Variants in DNM3 observed in about 807,000 individuals in gnomAD.
DNM3 encodes dynamin-3.
DNM3 carries 47 observed loss-of-function variants against 101.6 expected under a neutral mutation model. The observed-to-expected ratio is 0.46, with a 90% CI of 0.37 to 0.59. The LOEUF is 0.59. Ranked by LOEUF, DNM3 falls within the 20% of genes least tolerant of loss-of-function variation. The probability of loss-of-function intolerance (pLI) is 0.00; values close to 1 mark genes in which losing one functional copy is unlikely to be tolerated. For synonymous variants in DNM3, 385 were observed against 387.9 expected (o/e 0.99, Z 0.09); for missense variants, 849 against 1,085.7 (o/e 0.78, Z 3.06).
intron 1 of DNM3, among the ~76,000 whole-genome samples, chr1:171,858,757 G>A (rs557975219): frequency 2.0e-5 from 3 of 152,166 alleles, no homozygotes; most frequent in African/African-American, 7.2e-5. Context: ...TGAGGATAAC[G>A]AATGCAGTGT....
At chr1:171,916,788 C>A (rs2039748526) in intron 1 of DNM3, among the ~76,000 whole-genome samples, 3 of 152,120 alleles carry the variant, frequency 2.0e-5, no homozygotes, top group Non-Finnish European at 4.4e-5. Context: ...CACAAACTAC[C>A]AGTAAAGACC....
chr1:172,248,429 T>C (rs1231346996), intron 14 of DNM3, among the ~76,000 whole-genome samples: 1 of 152,134 alleles, frequency 6.6e-6, no homozygotes, highest in Non-Finnish European at 1.5e-5. Flanking sequence ...GATGACATAA[T>C]CTTTACCCTC....
intron 2 of DNM3, 103 bp downstream of exon 2, chr1:171,921,924 C>T (rs2040204221): frequency 1.0e-6 from 1 of 953,596 alleles, no homozygotes; most frequent in African/African-American, 1.6e-5. Flanking sequence ...TGTGATCGCC[C>T]CACTGTGGGC....
rs924676733 is a variant in DNM3 at position 172,405,478 on chromosome 1, C to G, written c.2523-2294C>G. On this transcript the variant is annotated intron_variant, in intron 20 of 20. Coordinates refer to ENST00000627582, the MANE Select transcript of DNM3 (RefSeq NM_015569.5). ...ACAGTTAAGCCAAGAACAAAAGGAT[C>G]AAGAGAAGTCAGTTTCATTCCTTTC... is the stretch of plus-strand genomic sequence containing the variant. Among the ~76,000 whole-genome samples, 5 of 151,994 alleles carry G rather than the reference C, an allele frequency of 3.3e-5. No individual in the cohort carries two copies. In the South Asian group the frequency reaches 1.0e-3, roughly 32 times the overall value.
intron 20 of DNM3, among the ~76,000 whole-genome samples, chr1:172,395,273 C>T (rs1311465018): frequency 1.3e-5 from 2 of 151,270 alleles, no homozygotes; most frequent in African/African-American, 4.9e-5. Context: ...TGGCTTCAAG[C>T]GATTCTCCTG....
At chr1:172,069,941 GAC>G (rs1438592451) in intron 11 of DNM3, among the ~76,000 whole-genome samples, 2 of 152,166 alleles carry the variant, frequency 1.3e-5, no homozygotes, top group Admixed American at 6.6e-5. Context: ...CACAGGGAGA[GAC>G]ACACACAGCA....
At chr1:172,297,012 A>G (rs2255690) in intron 15 of DNM3, among the ~76,000 whole-genome samples, 95,685 of 151,818 alleles carry the variant, frequency 0.63, 32,318 homozygotes, top group African/African-American at 0.89. Flanking sequence ...GCCTTGTGGC[A>G]TGTTCCTGTA....
intron 9 of DNM3, 103 bp from the exon 10 acceptor site, chr1:172,048,509 A>G (rs765067207): frequency 1.7e-4 from 238 of 1,365,296 alleles, no homozygotes; most frequent in Non-Finnish European, 2.2e-4. Flanking sequence ...GGTCTATTAC[A>G]TGCTTAATTT....
chr1:172,192,533 C>G (rs1206973930), intron 14 of DNM3, among the ~76,000 whole-genome samples: 1 of 118,582 alleles, frequency 8.4e-6, no homozygotes, highest in Non-Finnish European at 1.7e-5. Context: ...CCCCTCCCCC[C>G]ACCCCACAAC....
At chr1:172,205,976 G>A (rs185089949) in intron 14 of DNM3, among the ~76,000 whole-genome samples, 78 of 152,162 alleles carry the variant, frequency 5.1e-4, no homozygotes, top group Non-Finnish European at 7.9e-4. Flanking sequence ...AGTATCATGT[G>A]TTGGTCATTT....
intron 20 of DNM3, among the ~76,000 whole-genome samples, chr1:172,402,821 A>G (rs2070597471): frequency 6.6e-6 from 1 of 152,200 alleles, no homozygotes; most frequent in Non-Finnish European, 1.5e-5. Flanking sequence ...AAGTGTTTCT[A>G]CAAGCATTTC....
At chr1:171,944,896 C>A (rs1156317557) in intron 2 of DNM3, among the ~76,000 whole-genome samples, 3 of 110,822 alleles carry the variant, frequency 2.7e-5, no homozygotes, top group Non-Finnish European at 5.1e-5. Flanking sequence ...CAGGGTCTCA[C>A]TCTGTCACCC....
intron 14 of DNM3, among the ~76,000 whole-genome samples, chr1:172,226,950 T>C (rs1405870584): frequency 6.6e-6 from 1 of 151,966 alleles, no homozygotes; most frequent in East Asian, 1.9e-4. Context: ...TACAAGTGTT[T>C]TTTGGTCACA....
intron 14 of DNM3, among the ~76,000 whole-genome samples, chr1:172,134,913 A>G (rs1465099223): frequency 6.6e-6 from 1 of 152,138 alleles, no homozygotes; most frequent in East Asian, 1.9e-4. Flanking sequence ...CACTCTAAAG[A>G]TGAGGATTTT....
intron 1 of DNM3, among the ~76,000 whole-genome samples, chr1:171,871,638 A>G (rs887906989): frequency 6.6e-6 from 1 of 152,270 alleles, no homozygotes; most frequent in African/African-American, 2.4e-5. Context: ...CTTTATTTCT[A>G]TATTAGTGAC....
At chr1:172,164,232 C>CT (rs3980440) in intron 14 of DNM3, among the ~76,000 whole-genome samples, 9,549 of 126,450 alleles carry the variant, frequency 0.076, 523 homozygotes, top group East Asian at 0.15. Flanking sequence ...CTTTTCTTTT[C>CT]TTTTTTTTTT....
At chr1:172,163,952 T>TACAC (rs1297749449) in intron 14 of DNM3, among the ~76,000 whole-genome samples, 5 of 110,796 alleles carry the variant, frequency 4.5e-5, no homozygotes, top group African/African-American at 2.2e-4. Context: ...TGCATACATA[T>TACAC]ATATACACAC....
chr1:172,007,423 G>A (rs550684026), intron 4 of DNM3, among the ~76,000 whole-genome samples: 17 of 152,188 alleles, frequency 1.1e-4, no homozygotes, highest in East Asian at 1.9e-4. Flanking sequence ...CTTATAGGCC[G>A]TTTGTATATC....
intron 20 of DNM3, among the ~76,000 whole-genome samples, chr1:172,405,720 A>G (rs1008564081): frequency 6.6e-6 from 1 of 151,990 alleles, no homozygotes; most frequent in African/African-American, 2.4e-5. Flanking sequence ...CCACCAGCCA[A>G]CTGGTTAATT....
Sources: gnomAD v4.1 joint callset for allele counts (sites outside exome capture counted in the v4.1 genomes callset) on GRCh38, gnomAD v4.1.1 for gene constraint, MANE v1.5 for transcripts, NCBI Gene and HGNC (gene_info 2026-07-23, HGNC 2026-07-21) for gene names.